Variants in RYR2 observed in about 807,000 individuals in gnomAD.
The protein encoded by RYR2 is cardiac muscle ryanodine receptor-calcium release channel.
RYR2 carries 227 observed loss-of-function variants against 601.1 expected under a neutral mutation model. The ratio of observed to expected loss-of-function variants is 0.38; its 90% confidence interval spans 0.34 to 0.42. The LOEUF (loss-of-function observed/expected upper bound fraction) is 0.42, where lower values mean the gene tolerates loss of function less well. RYR2 is among the 10% of genes least tolerant of loss of function. RYR2 has a pLI of 1.00. For synonymous variants in RYR2, 2,223 were observed against 2,175.1 expected (o/e 1.02, Z -0.61); for missense variants, 4,646 against 6,156.5 (o/e 0.75, Z 8.21).
intron 1 of RYR2, among the ~76,000 whole-genome samples, chr1:237,215,306 A>T (rs1425729812): frequency 1.3e-5 from 2 of 152,192 alleles, no homozygotes; most frequent in Non-Finnish European, 2.9e-5. Flanking sequence ...CTCTGGGATT[A>T]TGTGGCAACG....
At chr1:237,454,871 G>A (rs1658619442) in intron 15 of RYR2, among the ~76,000 whole-genome samples, 1 of 152,164 alleles carries the variant, frequency 6.6e-6, no homozygotes, top group African/African-American at 2.4e-5. Context: ...TTCTCTTCAT[G>A]TGGGTTATAT....
At chr1:237,795,161 C>A (rs1658951769) in intron 95 of RYR2, 128 bp from the exon 96 acceptor site, 3 of 486,408 alleles carry the variant, frequency 6.2e-6, no homozygotes, top group Non-Finnish European at 1.1e-5. Context: ...TAGCCAAATT[C>A]ATTGTAAGTT....
intron 17 of RYR2, among the ~76,000 whole-genome samples, chr1:237,485,811 A>C (rs934937031): frequency 6.6e-6 from 1 of 152,178 alleles, no homozygotes; most frequent in Admixed American, 6.6e-5. Context: ...AGGTTGCACT[A>C]TCTGGTTTAG....
chr1:237,111,614 G>T (rs987290034), intron 1 of RYR2, among the ~76,000 whole-genome samples: 1 of 143,300 alleles, frequency 7.0e-6, no homozygotes, highest in Non-Finnish European at 1.5e-5. Flanking sequence ...AAAAAAAAAG[G>T]CACATTTGAA....
chr1:237,152,255 T>C (rs1482940668), intron 1 of RYR2, among the ~76,000 whole-genome samples: 2 of 152,234 alleles, frequency 1.3e-5, no homozygotes, highest in East Asian at 3.8e-4. Flanking sequence ...AGTCTATCAT[T>C]GATGGGCATT....
rs553831998 is a variant in RYR2, at chr1:237,579,343, G to A, written c.3598+10024G>A. ...GTGATCTTGGCTCACTGCAACCCCC[G>A]CCTCCTGAGTTCAAGCGATTCTCCT... On this transcript the variant is annotated intron_variant, in intron 29 of 104. Coordinates refer to ENST00000366574, the MANE Select transcript of RYR2 (RefSeq NM_001035.3). Among the ~76,000 whole-genome samples the A allele has an allele frequency of 6.0e-5, 8 of 132,272 alleles. No individual in the cohort carries two copies. In the South Asian group the frequency reaches 7.6e-4, roughly 13 times the overall value. The allele number at this position is 132,272 out of a possible 152,430, so 86.8% of individuals were successfully genotyped here.
Position 237,441,469 on chromosome 1 carries a change from T to C in RYR2, c.1156T>C (p.Ser386Pro). The C allele has an allele frequency of 6.3e-7, 1 of 1,582,022 alleles. No individual in the cohort carries two copies. The highest frequency in any genetic ancestry group is 8.6e-7 in the Non-Finnish European group (1 of 1,161,744). ...GGACGTGAAATCCGTGAGAATGGGA[T>C]CTATACAACGTAAGGTAAGGTGATA... ...SVDVKSVRMG[S>P]IQRKAIMHHE... Residue 386 changes from serine to proline, a missense_variant, in exon 13 of 105, where the codon TCT (serine) becomes CCT (proline). Physicochemically the swap from Ser to Pro is moderately conservative, Grantham distance 74 (BLOSUM62 -1). Coordinates refer to ENST00000366574, the MANE Select transcript of RYR2 (RefSeq NM_001035.3).
chr1:237,672,755 C>A (rs1233546987), intron 58 of RYR2, among the ~76,000 whole-genome samples: 2 of 152,152 alleles, frequency 1.3e-5, no homozygotes, highest in Non-Finnish European at 2.9e-5. Context: ...ATATTCTATA[C>A]CCTCTGCTGT....
At chr1:237,322,832 G>A (rs1258723712) in intron 2 of RYR2, among the ~76,000 whole-genome samples, 3 of 151,016 alleles carry the variant, frequency 2.0e-5, no homozygotes, top group Non-Finnish European at 4.4e-5. Context: ...GTGTGTGTGT[G>A]TGTGTGTGTG....
intron 1 of RYR2, among the ~76,000 whole-genome samples, chr1:237,187,045 CTG>C (rs1679423155): frequency 1.3e-5 from 2 of 152,272 alleles, no homozygotes; most frequent in South Asian, 4.1e-4. Context: ...TTTGCGAACT[CTG>C]AAAGTCAAAG....
intron 10 of RYR2, among the ~76,000 whole-genome samples, chr1:237,398,626 G>GA (rs1703069473): frequency 6.6e-6 from 1 of 152,174 alleles, no homozygotes; most frequent in Non-Finnish European, 1.5e-5. Context: ...AGAATGCAGA[G>GA]AAACTGTCAT....
At chr1:237,391,642 C>T (rs188207528) in intron 10 of RYR2, among the ~76,000 whole-genome samples, 1 of 152,074 alleles carries the variant, frequency 6.6e-6, no homozygotes, top group Non-Finnish European at 1.5e-5. Flanking sequence ...ATTTAATATA[C>T]ATAACTGTAA....
rs751037615 is a variant in RYR2, at chr1:237,831,523, G to T, written c.14766G>T (p.Leu4922=). The T allele has an allele frequency of 6.4e-7, 1 of 1,558,876 alleles. No homozygotes were observed. Residue 4922 remains leucine, a synonymous_variant, in exon 104 of 105, where the codon CTG becomes CTT. Transcript: ENST00000366574. ...EHNLANYLFF[L]MYLINKDETE... is the part of the protein sequence containing the mutation. The stretch of plus-strand genomic sequence containing the variant: ...TTCTCTGTATCTGTAGGTTTTTTCT[G>T]ATGTATCTTATAAACAAAGATGAAA...
chr1:237,103,126 T>C lies in RYR2; in HGVS notation c.48+60557T>C, dbSNP rs552781220. On this transcript the variant is annotated intron_variant, in intron 1 of 104. Transcript: ENST00000366574. ...TTATAGTACTGTGGAGCTGGGATTA[T>C]GGATGTCTGAGGCCAGTAGGAGCTC... Among the ~76,000 whole-genome samples the C allele has an allele frequency of 2.0e-5, 3 of 152,332 alleles. No homozygotes were observed. In the East Asian group the frequency reaches 5.8e-4, roughly 29 times the overall value.
At chr1:237,494,385 G>A (rs933671059) in intron 19 of RYR2, among the ~76,000 whole-genome samples, 1 of 152,172 alleles carries the variant, frequency 6.6e-6, no homozygotes, top group African/African-American at 2.4e-5. Context: ...ACGGGAGAAA[G>A]ATGAAGGATG....
At chr1:237,206,621 TC>T (rs1302284705) in intron 1 of RYR2, among the ~76,000 whole-genome samples, 1 of 152,232 alleles carries the variant, frequency 6.6e-6, no homozygotes, top group Non-Finnish European at 1.5e-5. Context: ...ATTATATTTA[TC>T]TCATAATTTA....
At chr1:237,436,462 T>TTTTTTTTTTTTG (rs1707380165) in intron 12 of RYR2, among the ~76,000 whole-genome samples, 1 of 130,392 alleles carries the variant, frequency 7.7e-6, no homozygotes, top group Non-Finnish European at 1.6e-5. Flanking sequence ...TCCTTTTTTT[T>TTTTTTTTTTTTG]TTTTTTTTTT....
Position 237,503,318 on chromosome 1 carries a change from G to T in RYR2, c.2426G>T (p.Gly809Val). 6.2e-7 allele frequency: 1 copy of T among 1,612,788 alleles called. No individual in the cohort carries two copies. The highest frequency in any genetic ancestry group is 8.5e-7 in the Non-Finnish European group (1 of 1,179,294). Reference protein sequence around the residue: ...KVRFLLGGRHGEFKFLPPPGY... With the variant: ...KVRFLLGGRHVEFKFLPPPGY... ...CGCTTTCTGCTTGGAGGGCGACATG[G>T]AGAATTCAAATTTCTTCCTCCACCT... Residue 809 changes from glycine (G) to valine (V), a missense_variant, in exon 22 of 105, where the codon GGA becomes GTA. This residue lies in a region of RYR2 where 1,807 missense variants were observed against 2,088.1 expected (regional missense o/e 0.87). Transcript: ENST00000366574.
At chr1:237,160,273 A>C (rs1675859513) in intron 1 of RYR2, among the ~76,000 whole-genome samples, 1 of 152,230 alleles carries the variant, frequency 6.6e-6, no homozygotes, top group Non-Finnish European at 1.5e-5. Flanking sequence ...TTTGGAAACA[A>C]TGGATTGTCA....
Sources: gnomAD v4.1 joint callset for allele counts (sites outside exome capture counted in the v4.1 genomes callset) on GRCh38, gnomAD v4.1.1 for gene constraint, gnomAD v4.1.1 regional missense constraint, MANE v1.5 for transcripts, NCBI Gene and HGNC (gene_info 2026-07-23, HGNC 2026-07-21) for gene names.